The following PHF21A variants were observed in gnomAD, a reference collection of about 807,000 sequenced individuals.
The protein encoded by PHF21A is BHC80a.
PHF21A carries 11 observed loss-of-function variants against 82.5 expected under a neutral mutation model. The ratio of observed to expected loss-of-function variants is 0.13; its 90% CI spans 0.08 to 0.22. The LOEUF (loss-of-function observed/expected upper bound fraction) is 0.22. Among genes scored for constraint, PHF21A ranks in the 10% least tolerant of loss-of-function variants. The pLI is 1.00. For missense variants in PHF21A, 579 were observed against 837.8 expected (o/e 0.69, Z 3.81); for synonymous variants, 297 against 302.8 (o/e 0.98, Z 0.20).
chr11:46,078,074 G>C, intron 5 of PHF21A, among the ~76,000 whole-genome samples: 1 of 152,048 alleles, frequency 6.6e-6, no homozygotes, highest in Middle Eastern at 3.4e-3. Flanking sequence ...CACCATGCCT[G>C]GCTAATTTTT....
chr11:46,044,249 C>T (rs1405611910), intron 6 of PHF21A, among the ~76,000 whole-genome samples: 2 of 152,034 alleles, frequency 1.3e-5, no homozygotes, highest in Admixed American at 1.3e-4. Context: ...CTAGAGGTAC[C>T]TTTTGGCTTT....
intron 1 of PHF21A, among the ~76,000 whole-genome samples, chr11:46,104,700 A>G (rs182788459): frequency 1.3e-5 from 2 of 152,312 alleles, no homozygotes; most frequent in African/African-American, 4.8e-5. Flanking sequence ...AGCTATCATG[A>G]TTGAGTGTCT....
intron 12 of PHF21A, among the ~76,000 whole-genome samples, chr11:45,949,835 T>G (rs2091868846): frequency 6.6e-6 from 1 of 152,226 alleles, no homozygotes; most frequent in African/African-American, 2.4e-5. Context: ...TTGAATTAAA[T>G]AATCAGGACA....
intron 1 of PHF21A, among the ~76,000 whole-genome samples, chr11:46,097,347 C>A (rs930484843): frequency 3.9e-5 from 6 of 152,104 alleles, no homozygotes; most frequent in Non-Finnish European, 8.8e-5. Flanking sequence ...CACTCGAAGC[C>A]GTCCCATCTC....
chr11:46,018,066 CG>C (rs1565563036), intron 6 of PHF21A, among the ~76,000 whole-genome samples: 1 of 151,676 alleles, frequency 6.6e-6, no homozygotes, highest in Non-Finnish European at 1.5e-5. Flanking sequence ...CCGGCTAAAA[CG>C]GTGAAACCCC....
intron 6 of PHF21A, among the ~76,000 whole-genome samples, chr11:45,991,799 C>G (rs61882506): frequency 0.018 from 2,705 of 152,280 alleles, 42 homozygotes; most frequent in Non-Finnish European, 0.029. Context: ...GGCAAGAATA[C>G]ATTCCTGATG....
At chr11:46,042,552 A>G (rs1037254813) in intron 6 of PHF21A, among the ~76,000 whole-genome samples, 3 of 152,146 alleles carry the variant, frequency 2.0e-5, no homozygotes, top group Non-Finnish European at 2.9e-5. Context: ...CTAAACAAGC[A>G]ACCTGAACTC....
intron 6 of PHF21A, among the ~76,000 whole-genome samples, chr11:46,069,250 A>G (rs996989531): frequency 4.6e-5 from 7 of 152,236 alleles, no homozygotes; most frequent in African/African-American, 1.7e-4. Flanking sequence ...GAAAACGAGG[A>G]GCTGATGTCC....
chr11:46,096,221 T>C (rs1372739923), intron 1 of PHF21A, among the ~76,000 whole-genome samples: 1 of 152,034 alleles, frequency 6.6e-6, no homozygotes, highest in African/African-American at 2.4e-5. Flanking sequence ...TTTACTCTCA[T>C]GGAGCATCAA....
At chr11:46,004,316 T>C (rs986065500) in intron 6 of PHF21A, among the ~76,000 whole-genome samples, 1 of 152,296 alleles carries the variant, frequency 6.6e-6, no homozygotes, top group African/African-American at 2.4e-5. Context: ...ACATCACAGA[T>C]GGTGTTTTCT....
At chr11:45,997,172 T>G (rs2136892552) in intron 6 of PHF21A, among the ~76,000 whole-genome samples, 1 of 152,364 alleles carries the variant, frequency 6.6e-6, no homozygotes, top group South Asian at 2.1e-4. Context: ...CTAGGAATTC[T>G]ACTACACTCT....
intron 14 of PHF21A, among the ~76,000 whole-genome samples, chr11:45,947,416 G>A (rs560476791): frequency 1.3e-5 from 2 of 152,282 alleles, no homozygotes; most frequent in Non-Finnish European, 2.9e-5. Context: ...TTAGGATTAT[G>A]CACAAGAGTC....
chr11:45,944,543 C>T (rs928364568), intron 15 of PHF21A, among the ~76,000 whole-genome samples: 61 of 152,182 alleles, frequency 4.0e-4, no homozygotes, highest in African/African-American at 1.4e-3. Flanking sequence ...GGCCCAGCCA[C>T]TTCTGAGGCC....
At chr11:45,961,793 AC>A (rs1184222392) in intron 10 of PHF21A, among the ~76,000 whole-genome samples, 1 of 152,210 alleles carries the variant, frequency 6.6e-6, no homozygotes, top group Non-Finnish European at 1.5e-5. Flanking sequence ...GCTGGAGAGG[AC>A]AAGGACAGGG....
chr11:46,062,793 A>C (rs2096551530), intron 6 of PHF21A, among the ~76,000 whole-genome samples: 1 of 152,236 alleles, frequency 6.6e-6, no homozygotes, highest in Admixed American at 6.5e-5. Flanking sequence ...CACACCTACT[A>C]TACAACCCAG....
At chr11:45,950,381 C>A in intron 11 of PHF21A, 124 bp from the exon 12 acceptor site, 1 of 644,560 alleles carries the variant, frequency 1.6e-6, no homozygotes, top group Admixed American at 2.8e-5. Flanking sequence ...TGCACAAGAG[C>A]AGGCATTCTC....
In PHF21A at chr11:45,938,186, T is replaced by C; in HGVS notation, c.1579A>G (p.Met527Val). The change falls in exon 16 of 19, where the codon ATG becomes GTG. Residue 527 changes from methionine (M) to valine (V), a missense_variant. Transcript: ENST00000676320. ...DPPLKTIPKG[M>V]WICPRCQDQM... ...TCCTGACATCTGGGACAGATCCACA[T>C]GCCCTTGGGAATTGTTTTCAGAGGG... 1 of 1,606,600 alleles carries C rather than the reference T, an allele frequency of 6.2e-7. No homozygotes were observed. The highest frequency in any genetic ancestry group is 8.5e-7 in the Non-Finnish European group (1 of 1,176,692).
At chr11:45,970,840 A>T in intron 8 of PHF21A, 1 of 425,082 alleles carries the variant, frequency 2.4e-6, no homozygotes. Flanking sequence ...AACAGTGTGT[A>T]TGCCTCTGTG....
chr11:46,009,490 C>T (rs182727342), intron 6 of PHF21A, among the ~76,000 whole-genome samples: 24 of 152,216 alleles, frequency 1.6e-4, no homozygotes, highest in African/African-American at 3.9e-4. Flanking sequence ...AAACATGTAA[C>T]GATAATAGCA....
Sources: allele counts gnomAD v4.1 joint callset (sites outside exome capture counted in the v4.1 genomes callset), GRCh38; gene constraint gnomAD v4.1.1; transcripts MANE v1.5; gene names NCBI Gene and HGNC (gene_info 2026-07-23, HGNC 2026-07-21).